NPEPPS: variants seen among roughly 807,000 people sequenced by gnomAD.
NPEPPS encodes the protein aminopeptidase puromycin sensitive, also known as puromycin-sensitive aminopeptidase.
Under a neutral mutation model 115.5 loss-of-function variants are expected in NPEPPS, and 14 were observed. The ratio of observed to expected loss-of-function variants is 0.12; its 90% CI spans 0.08 to 0.19. The LOEUF (loss-of-function observed/expected upper bound fraction) is 0.19. NPEPPS is among the 10% of genes least tolerant of loss of function. The pLI is 1.00. For missense variants in NPEPPS, 523 were observed against 1,110.8 expected (o/e 0.47, Z 7.52); for synonymous variants, 285 against 390.6 (o/e 0.73, Z 3.19).
At chr17:47,609,247 TAAG>T (rs1462053400) in intron 17 of NPEPPS, among the ~76,000 whole-genome samples, 2 of 152,172 alleles carry the variant, frequency 1.3e-5, no homozygotes, top group Non-Finnish European at 2.9e-5. Flanking sequence ...GTGCAGAAGT[TAAG>T]GAGTTGGTTT....
Position 47,603,905 on chromosome 17 carries a change from A to T in NPEPPS, c.1741-10A>T. On this transcript the variant is annotated splice_polypyrimidine_tract_variant and intron_variant, in intron 15 of 22. Transcript: ENST00000322157. The stretch of plus-strand genomic sequence containing the variant: ...AGCTGTTTAATAGTACTTACTGGAT[A>T]TCTTTGCAGTTAAACTTAGGAACAG... 1 of 1,599,656 alleles carries T rather than the reference A, an allele frequency of 6.3e-7. No individual in the cohort carries two copies.
chr17:47,610,787 A>G (rs1047777556), intron 17 of NPEPPS, among the ~76,000 whole-genome samples: 4 of 149,714 alleles, frequency 2.7e-5, no homozygotes, highest in Non-Finnish European at 4.4e-5. Flanking sequence ...TTGTGTAGAC[A>G]TGCTTTCATT....
intron 14 of NPEPPS, 23 bp from the exon 15 acceptor site, chr17:47,601,585 T>G (rs766892300): frequency 4.0e-5 from 64 of 1,612,674 alleles, no homozygotes; most frequent in Non-Finnish European, 5.3e-5. Flanking sequence ...AGTGCAAAAT[T>G]TGTTTGTTCT....
At chr17:47,607,277 T>TA (rs1913573771) in intron 17 of NPEPPS, among the ~76,000 whole-genome samples, 1 of 152,186 alleles carries the variant, frequency 6.6e-6, no homozygotes, top group Admixed American at 6.6e-5. Context: ...CTGTCTCTAA[T>TA]AAGGTGATAT....
intron 2 of NPEPPS, among the ~76,000 whole-genome samples, chr17:47,568,246 C>T (rs1910958877): frequency 6.6e-6 from 1 of 151,928 alleles, no homozygotes; most frequent in African/African-American, 2.4e-5. Context: ...TCACTGCAAC[C>T]TCCGCCTCCT....
At chr17:47,612,883 G>A (rs1028852668) in intron 18 of NPEPPS, among the ~76,000 whole-genome samples, 15 of 152,034 alleles carry the variant, frequency 9.9e-5, no homozygotes, top group Non-Finnish European at 2.9e-5. Flanking sequence ...GGCTCGTCTC[G>A]AACTCCTGAC....
At chr17:47,619,959 A>G in intron 22 of NPEPPS, 175 bp downstream of exon 22, 4 of 542,544 alleles carry the variant, frequency 7.4e-6, no homozygotes, top group Non-Finnish European at 1.3e-5. Flanking sequence ...ATGGCCAGGC[A>G]TGGTAGCTCA....
intron 1 of NPEPPS, among the ~76,000 whole-genome samples, chr17:47,536,877 A>AATTTTTTGT (rs1908338663): frequency 6.6e-6 from 1 of 151,446 alleles, no homozygotes; most frequent in Non-Finnish European, 1.5e-5. Flanking sequence ...AAGCCCAGCT[A>AATTTTTTGT]ATTTTTTGTA....
intron 9 of NPEPPS, among the ~76,000 whole-genome samples, chr17:47,588,512 C>T (rs1275485528): frequency 6.6e-6 from 1 of 150,858 alleles, no homozygotes; most frequent in Admixed American, 6.6e-5. Flanking sequence ...TGCAGTGAGC[C>T]GAGATCACGC....
At chr17:47,551,979 TTC>T (rs1422677182) in intron 2 of NPEPPS, among the ~76,000 whole-genome samples, 5 of 127,916 alleles carry the variant, frequency 3.9e-5, no homozygotes, top group Admixed American at 8.2e-5. Flanking sequence ...TTTTTTTTTT[TTC>T]TTTTTTTTTT....
chr17:47,561,936 A>G (rs112329409), intron 2 of NPEPPS, among the ~76,000 whole-genome samples: 1 of 152,188 alleles, frequency 6.6e-6, no homozygotes, highest in African/African-American at 2.4e-5. Context: ...ATATTTCTAC[A>G]CGGTTGTCCA....
intron 1 of NPEPPS, among the ~76,000 whole-genome samples, chr17:47,536,388 C>CTTT (rs749380530): frequency 0.055 from 3,837 of 69,824 alleles, 103 homozygotes; most frequent in Middle Eastern, 0.096. Flanking sequence ...TATTTTCTCT[C>CTTT]TTTTTTTTTT....
intron 17 of NPEPPS, among the ~76,000 whole-genome samples, chr17:47,610,898 G>C (rs1913825169): frequency 7.4e-6 from 1 of 135,610 alleles, no homozygotes; most frequent in Admixed American, 8.1e-5. Flanking sequence ...CTGTCTCCAG[G>C]TTGGAGTGCA....
chr17:47,559,042 AAG>A (rs756763559), intron 2 of NPEPPS, among the ~76,000 whole-genome samples: 9 of 149,174 alleles, frequency 6.0e-5, no homozygotes, highest in Non-Finnish European at 8.9e-5. Flanking sequence ...CATCTCAAAA[AAG>A]AGGAAAAAAA....
intron 1 of NPEPPS, among the ~76,000 whole-genome samples, chr17:47,523,967 GT>G (rs1040128791): frequency 5.3e-5 from 8 of 150,920 alleles, no homozygotes; most frequent in Non-Finnish European, 1.2e-4. Context: ...ATGACTGATT[GT>G]TTTTTTTCCT....
rs139280160 is a variant in NPEPPS, at chr17:47,601,136, G to A, written c.1601-472G>A. On this transcript the variant is annotated intron_variant, in intron 14 of 22. Coordinates refer to ENST00000322157, the MANE Select transcript of NPEPPS (RefSeq NM_006310.4). ...TGTAGTCCCAGCTACTCAGGAAGCTGAGGCACAAGAACTTCTTGAACCCGG... is the reference window on the plus strand; with the variant it reads ...TGTAGTCCCAGCTACTCAGGAAGCTAAGGCACAAGAACTTCTTGAACCCGG... Among the ~76,000 whole-genome samples the A allele has an allele frequency of 5.9e-3, 896 of 152,158 alleles. 5 individuals carry two copies. The highest frequency in any genetic ancestry group is 0.017 in the African/African-American group (723 of 41,518).
At chr17:47,564,908 AG>A (rs1342814889) in intron 2 of NPEPPS, among the ~76,000 whole-genome samples, 1 of 152,018 alleles carries the variant, frequency 6.6e-6, no homozygotes, top group Non-Finnish European at 1.5e-5. Context: ...ACATAACATT[AG>A]TAAATGTGAT....
rs2143854287 is a variant in NPEPPS at position 47,586,219 on chromosome 17, C to T, written c.921C>T (p.Leu307=). ...CTTATCCTCTACCTAAAATTGATCT[C>T]ATTGCTATTGCAGACTTTGCAGCTG... is the stretch of plus-strand genomic sequence containing the variant. The part of the protein sequence containing the change: ...NVPYPLPKID[L]IAIADFAAGA... Residue 307 remains leucine, a synonymous_variant, in exon 7 of 23, where the codon CTC becomes CTT. Coordinates refer to ENST00000322157, the MANE Select transcript of NPEPPS (RefSeq NM_006310.4). The T allele has an allele frequency of 8.1e-7, 1 of 1,234,512 alleles. No individual in the cohort carries two copies. The highest frequency in any genetic ancestry group is 3.6e-5 in the Admixed American group (1 of 27,978). The allele number at this position is 1,234,512 out of a possible 1,614,324, so 76.5% of individuals were successfully genotyped here.
At chr17:47,537,799 T>G (rs1300495507) in intron 1 of NPEPPS, among the ~76,000 whole-genome samples, 1 of 152,138 alleles carries the variant, frequency 6.6e-6, no homozygotes, top group African/African-American at 2.4e-5. Context: ...GTTTGTTTCA[T>G]TGTTTTTTTT....
Sources: allele counts gnomAD v4.1 joint callset (sites outside exome capture counted in the v4.1 genomes callset), GRCh38; gene constraint gnomAD v4.1.1; transcripts MANE v1.5; gene names NCBI Gene and HGNC (gene_info 2026-07-23, HGNC 2026-07-21).